GRAMD1B: variants seen among roughly 807,000 people sequenced by gnomAD.
GRAMD1B encodes the protein protein Aster-B.
A neutral mutation model predicts 99.7 loss-of-function variants in GRAMD1B; 37 were observed. The ratio of observed to expected loss-of-function variants is 0.37; its 90% confidence interval spans 0.29 to 0.49. GRAMD1B has a LOEUF of 0.49. GRAMD1B is among the 20% of genes least tolerant of loss of function. GRAMD1B has a pLI of 0.98. For missense variants in GRAMD1B, 888 were observed against 1,009.2 expected (o/e 0.88, Z 1.63); for synonymous variants, 427 against 387.6 (o/e 1.10, Z -1.19).
intron 1 of GRAMD1B, among the ~76,000 whole-genome samples, chr11:123,414,465 C>A (rs1030225462): frequency 6.6e-6 from 1 of 152,172 alleles, no homozygotes; most frequent in Non-Finnish European, 1.5e-5. Context: ...CTTCCAACAA[C>A]CTTCTGTGAT....
At chr11:123,421,200 A>G (rs1401559641) in intron 1 of GRAMD1B, among the ~76,000 whole-genome samples, 1 of 152,194 alleles carries the variant, frequency 6.6e-6, no homozygotes, top group Non-Finnish European at 1.5e-5. Flanking sequence ...GCCAGTAACC[A>G]TTCTATACCT....
chr11:123,598,966 A>T, intron 7 of GRAMD1B: 2 of 1,033,466 alleles, frequency 1.9e-6, no homozygotes, highest in Non-Finnish European at 3.1e-6. Flanking sequence ...ATGGACAGGT[A>T]TGTGATATAA....
chr11:123,536,363 C>T (rs904138409), intron 2 of GRAMD1B, among the ~76,000 whole-genome samples: 1 of 151,830 alleles, frequency 6.6e-6, no homozygotes, highest in Admixed American at 6.6e-5. Context: ...TGCAGTGAGC[C>T]GAGATCTAAC....
intron 2 of GRAMD1B, among the ~76,000 whole-genome samples, chr11:123,538,351 A>G (rs75940648): frequency 0.016 from 2,457 of 152,188 alleles, 24 homozygotes; most frequent in Middle Eastern, 0.027. Flanking sequence ...CTTGCTTGGC[A>G]TGGTGGAACA....
At chr11:123,493,937 CCCTTTGT>C (rs1938913034) in intron 2 of GRAMD1B, among the ~76,000 whole-genome samples, 1 of 152,096 alleles carries the variant, frequency 6.6e-6, no homozygotes, top group Non-Finnish European at 1.5e-5. Context: ...TGCCTCTTAC[CCCTTTGT>C]CCCAGTAGGG....
chr11:123,469,428 C>T (rs930031937), intron 1 of GRAMD1B, among the ~76,000 whole-genome samples: 3 of 152,066 alleles, frequency 2.0e-5, no homozygotes, highest in Non-Finnish European at 2.9e-5. Context: ...CAGAGGCCGT[C>T]GGAGTGATGA....
chr11:123,362,445 C>A (rs533595029), intron 1 of GRAMD1B, among the ~76,000 whole-genome samples: 1 of 152,166 alleles, frequency 6.6e-6, no homozygotes, highest in African/African-American at 2.4e-5. Flanking sequence ...CCCTTCTGAG[C>A]CAAGCTTGCA....
chr11:123,435,229 C>T (rs980189950), intron 1 of GRAMD1B, among the ~76,000 whole-genome samples: 4 of 152,164 alleles, frequency 2.6e-5, no homozygotes, highest in Middle Eastern at 3.2e-3. Context: ...CCCAGCATGA[C>T]GTCTCCACAT....
At chr11:123,365,659 A>G (rs1169790487) in intron 1 of GRAMD1B, among the ~76,000 whole-genome samples, 1 of 152,224 alleles carries the variant, frequency 6.6e-6, no homozygotes, top group African/African-American at 2.4e-5. Flanking sequence ...TGCAGTTGAT[A>G]TATAAGGGGA....
chr11:123,589,614 T>TTTTATATATATATATATA lies in GRAMD1B; in HGVS notation c.685-4467_685-4466insTTATATATATATATATAT, dbSNP rs762751523. The stretch of plus-strand genomic sequence containing the variant: ...ACCTGCCACCATGTGTGGCTAATTT[T>TTTTATATATATATATATA]TATATATATATATATATATATATTT... On this transcript the variant is annotated intron_variant, in intron 4 of 19. Coordinates refer to ENST00000635736, the MANE Select transcript of GRAMD1B (RefSeq NM_001387025.1). Among the ~76,000 whole-genome samples, 536 of 128,196 alleles carry TTTTATATATATATATATA rather than the reference T, an allele frequency of 4.2e-3. 6 individuals are homozygous for TTTTATATATATATATATA. The highest frequency in any genetic ancestry group is 0.017 in the African/African-American group (498 of 28,476). 84.1% of individuals were successfully genotyped at this position (128,196 alleles called of 152,430 possible).
At chr11:123,442,907 A>G (rs932655328) in intron 1 of GRAMD1B, among the ~76,000 whole-genome samples, 2 of 150,326 alleles carry the variant, frequency 1.3e-5, no homozygotes, top group African/African-American at 4.9e-5. Flanking sequence ...TGACATTGCC[A>G]TGGCATTTGT....
chr11:123,431,583 A>G (rs1948892983), intron 1 of GRAMD1B, among the ~76,000 whole-genome samples: 1 of 152,174 alleles, frequency 6.6e-6, no homozygotes, highest in Non-Finnish European at 1.5e-5. Context: ...CTCCCTTTCT[A>G]CAGAAGGAGA....
At chr11:123,477,830 A>G (rs1407731291) in intron 1 of GRAMD1B, among the ~76,000 whole-genome samples, 1 of 137,318 alleles carries the variant, frequency 7.3e-6, no homozygotes, top group African/African-American at 2.8e-5. Context: ...GCTGGAGTGT[A>G]GTGGCGCGAT....
chr11:123,541,659 G>T (rs950041625), intron 2 of GRAMD1B, among the ~76,000 whole-genome samples: 1 of 151,644 alleles, frequency 6.6e-6, no homozygotes, highest in Non-Finnish European at 1.5e-5. Flanking sequence ...CTTTCCCAGA[G>T]TTTCTTTTGT....
At chr11:123,469,811 C>A (rs2134647517) in intron 1 of GRAMD1B, among the ~76,000 whole-genome samples, 1 of 122,508 alleles carries the variant, frequency 8.2e-6, no homozygotes, top group East Asian at 2.1e-4. Context: ...TTCCTTCCTT[C>A]CTCTCTTTTT....
chr11:123,364,776 G>A (rs1946261667), intron 1 of GRAMD1B, among the ~76,000 whole-genome samples: 1 of 152,034 alleles, frequency 6.6e-6, no homozygotes, highest in African/African-American at 2.4e-5. Flanking sequence ...CTCCTTTGCT[G>A]CTTTGGCATG....
chr11:123,403,301 C>G (rs1318209600), intron 1 of GRAMD1B, among the ~76,000 whole-genome samples: 1 of 151,560 alleles, frequency 6.6e-6, no homozygotes. Context: ...ATGGTGCATG[C>G]CTGTAGTCCC....
chr11:123,500,106 T>C (rs988075059), intron 2 of GRAMD1B, among the ~76,000 whole-genome samples: 1 of 152,146 alleles, frequency 6.6e-6, no homozygotes, highest in Non-Finnish European at 1.5e-5. Flanking sequence ...GGCAGGCAGA[T>C]CACTTGAGGT....
At chr11:123,593,582 T>C (rs1390189986) in intron 4 of GRAMD1B, among the ~76,000 whole-genome samples, 1 of 152,198 alleles carries the variant, frequency 6.6e-6, no homozygotes, top group African/African-American at 2.4e-5. Flanking sequence ...ACTGGTTTTA[T>C]GTGATTTCTT....
Sources: allele counts gnomAD v4.1 joint callset (sites outside exome capture counted in the v4.1 genomes callset), GRCh38; gene constraint gnomAD v4.1.1; transcripts MANE v1.5; gene names NCBI Gene and HGNC (gene_info 2026-07-23, HGNC 2026-07-21).